Variants in BLZF1 observed in about 807,000 individuals in gnomAD.
BLZF1 encodes the protein golgin-45.
A neutral mutation model predicts 43.8 loss-of-function variants in BLZF1; 39 were observed. That is an observed-to-expected ratio of 0.89 (90% CI 0.69 to 1.16). The LOEUF is 1.16. Among genes scored for constraint, BLZF1 ranks in the 50% most tolerant of loss-of-function variants. The pLI is 0.00. For synonymous variants in BLZF1, 136 were observed against 159.4 expected (o/e 0.85, Z 1.11); for missense variants, 449 against 469.8 (o/e 0.96, Z 0.41).
At chr1:169,380,370 C>CTA (rs3830533) in intron 4 of BLZF1, 111 bp from the exon 5 acceptor site, 652,294 of 982,188 alleles carry the variant, frequency 0.66, 220,431 homozygotes, top group East Asian at 0.93. Context: ...AGTAACTATA[C>CTA]TGTTAAATCT....
intron 6 of BLZF1, among the ~76,000 whole-genome samples, chr1:169,386,217 A>G (rs1258370685): frequency 2.6e-5 from 4 of 152,190 alleles, no homozygotes; most frequent in African/African-American, 9.7e-5. Flanking sequence ...AAAATACTGC[A>G]TATAAATTAG....
At chr1:169,372,863 T>C (rs1188668874) in intron 2 of BLZF1, among the ~76,000 whole-genome samples, 2 of 152,152 alleles carry the variant, frequency 1.3e-5, no homozygotes, top group Non-Finnish European at 2.9e-5. Context: ...CTCAGCCTCC[T>C]GAGAATATCT....
chr1:169,389,156 T>C (rs1571446664), downstream of BLZF1, among the ~76,000 whole-genome samples: 1 of 146,278 alleles, frequency 6.8e-6, no homozygotes, highest in Non-Finnish European at 1.5e-5. Context: ...AAGCCGTGTG[T>C]GGTAGTGGAC....
chr1:169,372,011 A>G (rs1654137322), intron 2 of BLZF1, among the ~76,000 whole-genome samples: 1 of 152,140 alleles, frequency 6.6e-6, no homozygotes. Context: ...ACTAATGTAC[A>G]TTGAAACTCT....
chr1:169,371,318 T>C (rs2102004977), intron 2 of BLZF1, among the ~76,000 whole-genome samples: 1 of 152,334 alleles, frequency 6.6e-6, no homozygotes, highest in East Asian at 1.9e-4. Flanking sequence ...GATTAGTCAT[T>C]AGAAGTACTG....
At chr1:169,378,224 G>A (rs140506042) in intron 3 of BLZF1, 106 bp from the exon 4 acceptor site, 62 of 1,066,150 alleles carry the variant, frequency 5.8e-5, no homozygotes, top group Non-Finnish European at 8.1e-5. Context: ...TTCAAGTCAC[G>A]GAGGTCCAAA....
intron 2 of BLZF1, among the ~76,000 whole-genome samples, chr1:169,375,378 CATATATATATAAAACATATATATATAT>C (rs1311488895): frequency 1.0e-5 from 1 of 100,116 alleles, no homozygotes; most frequent in Non-Finnish European, 2.0e-5. Flanking sequence ...ACATATAAAA[CATATATATATAAAACATATATATATAT>C]ATATATATAT....
rs1654708898 is a variant in BLZF1, at chr1:169,387,429, A to G, written c.*247A>G. On this transcript the variant is annotated 3_prime_UTR_variant, in exon 7 of 7. Coordinates refer to ENST00000367808, the MANE Select transcript of BLZF1 (RefSeq NM_001320973.2). ...GAATACTTTCCAAGCAATACATGATACTTTTCCTAAAAGACTCTAAAAGAA... is the reference window on the plus strand; with the variant it reads ...GAATACTTTCCAAGCAATACATGATGCTTTTCCTAAAAGACTCTAAAAGAA... 2 of 308,956 alleles carry G rather than the reference A, an allele frequency of 6.5e-6. No individual in the cohort carries two copies. The highest frequency in any genetic ancestry group is 2.2e-5 in the African/African-American group (1 of 46,164). The allele number at this position is 308,956 out of a possible 1,614,324, so 19.1% of individuals were successfully genotyped here. A position where few individuals can be genotyped will look rare whatever the true frequency, so the allele number is the denominator to read the frequency against.
intron 6 of BLZF1, 47 bp from the exon 7 acceptor site, chr1:169,386,950 T>C (rs755449024): frequency 4.3e-6 from 6 of 1,382,180 alleles, no homozygotes; most frequent in Non-Finnish European, 6.0e-6. Flanking sequence ...CTTAGGCTTT[T>C]ACCATCTATA....
At chr1:169,380,758 A>G in intron 5 of BLZF1, 149 bp downstream of exon 5, 1 of 843,936 alleles carries the variant, frequency 1.2e-6, no homozygotes, top group East Asian at 2.7e-5. Flanking sequence ...GCATTTTAAA[A>G]TAGATGCTCT....
At chr1:169,392,265 T>G (rs1312286690), downstream of BLZF1, among the ~76,000 whole-genome samples, 1 of 152,328 alleles carries the variant, frequency 6.6e-6, no homozygotes, top group East Asian at 1.9e-4. Flanking sequence ...TATGGAATTG[T>G]AAACGCCGTG....
rs536482433 is a variant in BLZF1 at position 169,383,858 on chromosome 1, G to C, written c.1017+1577G>C. 3.2e-4 allele frequency among the ~76,000 whole-genome samples: 48 copies of C among 152,052 alleles called. No individual in the cohort carries two copies. In the South Asian group the frequency reaches 9.8e-3, roughly 31 times the overall value. On this transcript the variant is annotated intron_variant, in intron 6 of 6. Coordinates refer to ENST00000367808, the MANE Select transcript of BLZF1 (RefSeq NM_001320973.2). Reference sequence around the variant, plus strand: ...GTGACCATTGTTTCTAAGTTTTTGAGGGGGAGGGGCATCCTCTTCCTGTGA... The same window carrying C: ...GTGACCATTGTTTCTAAGTTTTTGACGGGGAGGGGCATCCTCTTCCTGTGA...
intron 6 of BLZF1, 50 bp downstream of exon 6, chr1:169,382,331 A>G: frequency 6.6e-7 from 1 of 1,507,126 alleles, no homozygotes; most frequent in Non-Finnish European, 9.1e-7. Context: ...CTGTCCTTTT[A>G]CTGAAAGGTG....
At position 169,376,710 on chromosome 1, in the gene BLZF1, A is replaced by G. The variant is rs773259204; in HGVS notation, c.199A>G (p.Lys67Glu). The change falls in exon 3 of 7, where the codon AAA (lysine) becomes GAA (glutamate). Residue 67 changes from lysine (K) to glutamate (E), a missense_variant. Physicochemically the swap from Lys to Glu is moderately conservative, Grantham distance 56. Transcript: ENST00000367808. ...SESPGVLQLG[K>E]MLTEKAMEVK... ...GAGCCCAGGAGTTCTTCAGCTAGGG[A>G]AAATGCTCACTGAAAAAGCAATGGA... 1 of 1,613,256 alleles carries G rather than the reference A, an allele frequency of 6.2e-7. No homozygotes were observed. The highest frequency in any genetic ancestry group is 1.3e-5 in the African/African-American group (1 of 74,856).
In BLZF1 at chr1:169,378,500, T is replaced by G; in HGVS notation, c.639T>G (p.Asp213Glu). Residue 213 changes from aspartate (D) to glutamate (E), a missense_variant, in exon 4 of 7, where the codon GAT (aspartate) becomes GAG (glutamate). Coordinates refer to ENST00000367808, the MANE Select transcript of BLZF1 (RefSeq NM_001320973.2). Reference sequence around the variant, plus strand: ...TAGAACGTATGTCAATACAGTGTGATGTATGGCGAAGTAAATTCCTTGCAA... The same window carrying G: ...TAGAACGTATGTCAATACAGTGTGAGGTATGGCGAAGTAAATTCCTTGCAA... ...EQLERMSIQC[D>E]VWRSKFLASR... 1 of 1,612,614 alleles carries G rather than the reference T, an allele frequency of 6.2e-7. No homozygotes were observed. The highest frequency in any genetic ancestry group is 8.5e-7 in the Non-Finnish European group (1 of 1,178,926).
At chr1:169,375,361 CAT>C (rs201587894) in intron 2 of BLZF1, among the ~76,000 whole-genome samples, 6,481 of 109,264 alleles carry the variant, frequency 0.059, 242 homozygotes, top group East Asian at 0.14. Flanking sequence ...ATATAAAAAA[CAT>C]ATATACATAT....
At chr1:169,381,195 A>G (rs908801698) in intron 5 of BLZF1, among the ~76,000 whole-genome samples, 1 of 151,356 alleles carries the variant, frequency 6.6e-6, no homozygotes, top group Non-Finnish European at 1.5e-5. Flanking sequence ...TCAGGAATGA[A>G]GGGGGGGGTA....
intron 2 of BLZF1, among the ~76,000 whole-genome samples, chr1:169,374,674 T>C (rs1654241602): frequency 6.6e-6 from 1 of 152,124 alleles, no homozygotes; most frequent in African/African-American, 2.4e-5. Flanking sequence ...GTAAATCTGT[T>C]ACTTGAATAA....
chr1:169,392,345 A>G (rs1288948347), downstream of BLZF1, among the ~76,000 whole-genome samples: 1 of 152,242 alleles, frequency 6.6e-6, no homozygotes, highest in Non-Finnish European at 1.5e-5. Flanking sequence ...AACTTACTAT[A>G]AAACTACAGT....
Sources: gnomAD v4.1 joint callset for allele counts (sites outside exome capture counted in the v4.1 genomes callset) on GRCh38, gnomAD v4.1.1 for gene constraint, MANE v1.5 for transcripts, NCBI Gene and HGNC (gene_info 2026-07-23, HGNC 2026-07-21) for gene names.